The following TTC28 variants were observed in gnomAD, a reference collection of about 807,000 sequenced individuals.
The protein encoded by TTC28 is tetratricopeptide repeat protein 28.
A neutral mutation model predicts 198.0 loss-of-function variants in TTC28; 61 were observed. The observed-to-expected ratio is 0.31, with a 90% CI of 0.25 to 0.38. TTC28 has a LOEUF of 0.38. Among genes scored for constraint, TTC28 ranks in the 10% least tolerant of loss-of-function variants. The probability of loss-of-function intolerance (pLI) is 1.00; values close to 1 mark genes in which losing one functional copy is unlikely to be tolerated. For synonymous variants in TTC28, 1,171 were observed against 1,297.8 expected (o/e 0.90, Z 2.10); for missense variants, 2,678 against 3,164.0 (o/e 0.85, Z 3.69).
Position 28,055,486 on chromosome 22 carries a change from A to G in TTC28, c.3933-25120T>C, listed in dbSNP as rs970396013. ...AAAGAAGTCAAGCCCCTTGAAGGAC[A>G]TCGAAGATTTAGATGAATAGAAGAA... On this transcript the variant is annotated intron_variant, in intron 12 of 22. Transcript: ENST00000397906. Among the ~76,000 whole-genome samples, 6 of 152,220 alleles carry G rather than the reference A, an allele frequency of 3.9e-5. No homozygotes were observed. The South Asian group carries it at 6.2e-4, about 16-fold the overall frequency.
chr22:28,047,523 C>T (rs987732308), intron 12 of TTC28, among the ~76,000 whole-genome samples: 17 of 152,168 alleles, frequency 1.1e-4, no homozygotes, highest in Admixed American at 9.8e-4. Context: ...TCCAGCAAGC[C>T]GCAGGGCCCC....
chr22:28,404,309 G>A (rs1187404244), intron 2 of TTC28, among the ~76,000 whole-genome samples: 1 of 152,030 alleles, frequency 6.6e-6, no homozygotes, highest in Admixed American at 6.5e-5. Flanking sequence ...TAATAGAGAT[G>A]GGGTTTCACC....
rs562315507 is a variant in TTC28, at chr22:28,377,678, A to G, written c.382-71035T>C. On this transcript the variant is annotated intron_variant, in intron 2 of 22. Coordinates refer to ENST00000397906, the MANE Select transcript of TTC28 (RefSeq NM_001145418.2). Reference sequence around the variant, plus strand: ...AAAGGCTACTCTGGTCCTAACAAACATTAAAAGCAAGTCTGAAAAGGATCA... The same window carrying G: ...AAAGGCTACTCTGGTCCTAACAAACGTTAAAAGCAAGTCTGAAAAGGATCA... 9.2e-5 allele frequency among the ~76,000 whole-genome samples: 14 copies of G among 152,314 alleles called. No individual in the cohort carries two copies. In the East Asian group the frequency reaches 2.7e-3, roughly 29 times the overall value.
intron 5 of TTC28, among the ~76,000 whole-genome samples, chr22:28,215,120 CG>C (rs932991086): frequency 6.6e-6 from 1 of 151,270 alleles, no homozygotes; most frequent in African/African-American, 2.4e-5. Flanking sequence ...CATCACACAC[CG>C]GGGCCTGTGG....
chr22:28,475,063 T>G (rs1230663110), intron 2 of TTC28, among the ~76,000 whole-genome samples: 2 of 138,894 alleles, frequency 1.4e-5, no homozygotes, highest in Non-Finnish European at 3.0e-5. Context: ...GGTGGGAGAA[T>G]GGCGTGAACC....
chr22:28,457,759 A>C (rs1568956091), intron 2 of TTC28, among the ~76,000 whole-genome samples: 1 of 152,150 alleles, frequency 6.6e-6, no homozygotes, highest in Non-Finnish European at 1.5e-5. Context: ...ATTTTTTCAA[A>C]ATAATCTTTC....
intron 5 of TTC28, among the ~76,000 whole-genome samples, chr22:28,202,993 C>T (rs1482149220): frequency 9.9e-5 from 15 of 151,938 alleles, no homozygotes; most frequent in Admixed American, 9.8e-4. Context: ...CTTTTATGAA[C>T]ATTTGACACG....
In TTC28 at chr22:28,551,440, C is replaced by T. The variant is rs548312702; in HGVS notation, c.381+78112G>A. ...GGACACAGCAAAAAAAAGAAAACTACAGACCAATATCCCTGATGAAAATAG... is the reference window on the plus strand; with the variant it reads ...GGACACAGCAAAAAAAAGAAAACTATAGACCAATATCCCTGATGAAAATAG... On this transcript the variant is annotated intron_variant, in intron 2 of 22. Coordinates refer to ENST00000397906, the MANE Select transcript of TTC28 (RefSeq NM_001145418.2). Among the ~76,000 whole-genome samples the T allele has an allele frequency of 3.3e-5, 5 of 152,156 alleles. No homozygotes were observed. In the East Asian group the frequency reaches 9.7e-4, roughly 29 times the overall value.
At chr22:28,636,561 A>C (rs2051275710) in intron 1 of TTC28, among the ~76,000 whole-genome samples, 2 of 152,168 alleles carry the variant, frequency 1.3e-5, no homozygotes, top group South Asian at 4.1e-4. Context: ...AGATTACTTC[A>C]AGATAGTAAT....
At chr22:28,633,096 A>G (rs977832295) in intron 1 of TTC28, among the ~76,000 whole-genome samples, 2 of 152,074 alleles carry the variant, frequency 1.3e-5, no homozygotes, top group African/African-American at 4.8e-5. Context: ...GCTGGCCAAC[A>G]TGATGAAACC....
rs561626786 is a variant in TTC28 at position 28,072,862 on chromosome 22, C to G, written c.3932+21218G>C. ...CACAATGGGGCCTCATAGCCAACTT[C>G]ATCTCCAGGCACTCCTCCATCACTG... is the stretch of plus-strand genomic sequence containing the variant. On this transcript the variant is annotated intron_variant, in intron 12 of 22. Coordinates refer to ENST00000397906, the MANE Select transcript of TTC28 (RefSeq NM_001145418.2). Among the ~76,000 whole-genome samples the G allele has an allele frequency of 1.1e-4, 16 of 152,310 alleles. No individual in the cohort carries two copies. The South Asian group carries it at 3.1e-3, about 30-fold the overall frequency.
At chr22:28,593,057 AG>A (rs1385109745) in intron 2 of TTC28, among the ~76,000 whole-genome samples, 2 of 151,858 alleles carry the variant, frequency 1.3e-5, no homozygotes, top group African/African-American at 4.9e-5. Flanking sequence ...GGCTGGAGGC[AG>A]GGAAGCAAAC....
At chr22:28,001,335 A>G in intron 15 of TTC28, 39 bp downstream of exon 15, 1 of 1,526,480 alleles carries the variant, frequency 6.6e-7, no homozygotes, top group Non-Finnish European at 8.9e-7. Flanking sequence ...GTGACCCGAA[A>G]ACAAGCCCCC....
chr22:28,145,185 C>T (rs1440750492), intron 6 of TTC28, among the ~76,000 whole-genome samples: 1 of 152,212 alleles, frequency 6.6e-6, no homozygotes, highest in Non-Finnish European at 1.5e-5. Context: ...TAATACGGCT[C>T]TAGTCATTAA....
chr22:28,567,679 G>A (rs575991013), intron 2 of TTC28, among the ~76,000 whole-genome samples: 50 of 151,420 alleles, frequency 3.3e-4, no homozygotes, highest in Non-Finnish European at 6.2e-4. Context: ...CAGACTTGTG[G>A]CATTCCCATT....
At chr22:28,033,278 GA>G (rs1296093942) in intron 12 of TTC28, among the ~76,000 whole-genome samples, 1 of 152,090 alleles carries the variant, frequency 6.6e-6, no homozygotes, top group Non-Finnish European at 1.5e-5. Context: ...ACAGATAAAG[GA>G]ATCTCCCATT....
At chr22:28,293,800 G>T (rs2044836677) in intron 5 of TTC28, among the ~76,000 whole-genome samples, 1 of 152,114 alleles carries the variant, frequency 6.6e-6, no homozygotes, top group Admixed American at 6.5e-5. Flanking sequence ...AGGAAAAGGG[G>T]AAATTCCATA....
At chr22:28,424,568 A>G (rs1034099844) in intron 2 of TTC28, among the ~76,000 whole-genome samples, 6 of 152,220 alleles carry the variant, frequency 3.9e-5, no homozygotes, top group African/African-American at 1.2e-4. Flanking sequence ...AAATATAATA[A>G]CAGCTTCCTT....
chr22:28,331,056 A>G (rs1002328607), intron 2 of TTC28, among the ~76,000 whole-genome samples: 2 of 152,190 alleles, frequency 1.3e-5, no homozygotes, highest in Non-Finnish European at 2.9e-5. Context: ...AGGACTAGCA[A>G]TATTACAGAA....
Sources: gnomAD v4.1 joint callset for allele counts (sites outside exome capture counted in the v4.1 genomes callset) on GRCh38, gnomAD v4.1.1 for gene constraint, MANE v1.5 for transcripts, NCBI Gene and HGNC (gene_info 2026-07-23, HGNC 2026-07-21) for gene names.